The following C2CD3 variants were observed in gnomAD, a reference collection of about 807,000 sequenced individuals.
C2CD3 encodes the protein C2 domain containing 3 centriole elongation regulator.
A neutral mutation model predicts 234.0 loss-of-function variants in C2CD3; 148 were observed. The ratio of observed to expected loss-of-function variants is 0.63; its 90% confidence interval spans 0.55 to 0.72. C2CD3 has a LOEUF of 0.72. Among genes scored for constraint, C2CD3 ranks in the 30% least tolerant of loss-of-function variants. C2CD3 has a pLI of 0.00. For missense variants in C2CD3, 2,577 were observed against 2,811.5 expected (o/e 0.92, Z 1.89); for synonymous variants, 1,000 against 1,035.4 (o/e 0.97, Z 0.66).
rs1266668424 is a variant in C2CD3, at chr11:74,117,129, A to AAT, written c.1520+1097_1520+1098dup. On this transcript the variant is annotated intron_variant, in intron 9 of 32. Coordinates refer to ENST00000334126, the MANE Select transcript of C2CD3 (RefSeq NM_001286577.2). The stretch of plus-strand genomic sequence containing the variant: ...ATATATATATGAATATATATATATG[A>AAT]ATATATATATATGAATATATATATA... Among the ~76,000 whole-genome samples the AAT allele has an allele frequency of 5.1e-4, 3 of 5,856 alleles. 1 individual carries two copies. Among genetic ancestry groups the AAT allele is most frequent in the African/African-American group, 3.9e-3 (3 of 778 alleles). The allele number at this position is 5,856 out of a possible 152,430, so 3.8% of individuals were successfully genotyped here.
chr11:74,015,398 C>T (rs1400248180), intron 32 of C2CD3, among the ~76,000 whole-genome samples: 1 of 152,206 alleles, frequency 6.6e-6, no homozygotes, highest in Non-Finnish European at 1.5e-5. Flanking sequence ...CTCTATGTAG[C>T]ACTTTAAGCT....
rs555323076 is a variant in C2CD3, at chr11:74,078,016, G to T, written c.4603+99C>A. On this transcript the variant is annotated intron_variant, in intron 23 of 32. Coordinates refer to ENST00000334126, the MANE Select transcript of C2CD3 (RefSeq NM_001286577.2). Reference sequence around the variant, plus strand: ...AATACCTATCTCACAGGATTGCTGGGAGGGTCAAGTAAAGTAATGTCTGAC... The same window carrying T: ...AATACCTATCTCACAGGATTGCTGGTAGGGTCAAGTAAAGTAATGTCTGAC... The T allele has an allele frequency of 2.9e-6, 4 of 1,392,280 alleles. No individual in the cohort carries two copies. In the East Asian group the frequency reaches 9.2e-5, roughly 32 times the overall value. 86.2% of individuals were successfully genotyped at this position (1,392,280 alleles called of 1,614,324 possible).
intron 22 of C2CD3, among the ~76,000 whole-genome samples, chr11:74,082,977 A>G (rs1298694441): frequency 6.6e-6 from 1 of 152,234 alleles, no homozygotes; most frequent in Non-Finnish European, 1.5e-5. Context: ...AAGAGCCCGC[A>G]TTGCCAAGAC....
At position 74,139,595 on chromosome 11, in the gene C2CD3, T is replaced by C. The variant is rs76942466; in HGVS notation, c.707+10A>G. 1.0e-5 allele frequency: 16 copies of C among 1,561,744 alleles called. No homozygotes were observed. Among genetic ancestry groups the C allele is most frequent in the Non-Finnish European group, 1.3e-5 (15 of 1,132,454 alleles). ...CTGACAGATTGACTGGTATTAGGTA[T>C]GGTAATTACCTCGGAGTGGTTGATC... is the stretch of plus-strand genomic sequence containing the variant. On this transcript the variant is annotated intron_variant, in intron 4 of 32. Coordinates refer to ENST00000334126, the MANE Select transcript of C2CD3 (RefSeq NM_001286577.2).
chr11:74,017,944 AC>A (rs1189489998), intron 32 of C2CD3, among the ~76,000 whole-genome samples: 1 of 152,030 alleles, frequency 6.6e-6, no homozygotes, highest in Non-Finnish European at 1.5e-5. Context: ...GCCCCCACTT[AC>A]CCCTGCTTCC....
intron 23 of C2CD3, among the ~76,000 whole-genome samples, chr11:74,077,700 C>T (rs1437330273): frequency 6.9e-6 from 1 of 144,788 alleles, no homozygotes; most frequent in African/African-American, 2.5e-5. Flanking sequence ...ATGGGTGCAG[C>T]AAACCACCAT....
chr11:74,160,811 C>T (rs1458103067), intron 3 of C2CD3, among the ~76,000 whole-genome samples: 1 of 152,114 alleles, frequency 6.6e-6, no homozygotes, highest in South Asian at 2.1e-4. Context: ...TGATTTGATC[C>T]TTACACAATG....
In C2CD3 at chr11:74,073,535, C is replaced by T. The variant is rs536854521; in HGVS notation, c.4951+718G>A. On this transcript the variant is annotated intron_variant, in intron 24 of 32. Transcript: ENST00000334126. Reference sequence around the variant, plus strand: ...CTGGGAGGTGGAGGTTGCAGTGAGCCGAAATCGTGCCACTGCACTGCAGCC... The same window carrying T: ...CTGGGAGGTGGAGGTTGCAGTGAGCTGAAATCGTGCCACTGCACTGCAGCC... Among the ~76,000 whole-genome samples, 13 of 148,816 alleles carry T rather than the reference C, an allele frequency of 8.7e-5. No individual in the cohort carries two copies. The East Asian group carries it at 1.4e-3, about 16-fold the overall frequency.
chr11:74,021,445 T>C (rs1952079184), intron 32 of C2CD3, among the ~76,000 whole-genome samples: 1 of 152,100 alleles, frequency 6.6e-6, no homozygotes, highest in Non-Finnish European at 1.5e-5. Flanking sequence ...AGAGTTACAG[T>C]TGTAGAGTTA....
intron 1 of C2CD3, 87 bp downstream of exon 1, chr11:74,170,651 T>C: frequency 6.8e-7 from 1 of 1,479,326 alleles, no homozygotes; most frequent in East Asian, 2.3e-5. Flanking sequence ...TTTTCTTGTT[T>C]ATCCAGCGGG....
intron 3 of C2CD3, among the ~76,000 whole-genome samples, chr11:74,151,028 C>A (rs563063820): frequency 1.3e-5 from 2 of 150,956 alleles, no homozygotes; most frequent in Non-Finnish European, 3.0e-5. Flanking sequence ...TGGCTTCAAG[C>A]GATTCTCCTG....
chr11:74,164,774 T>C (rs1161349596), intron 2 of C2CD3: 5 of 152,164 alleles, frequency 3.3e-5, no homozygotes, highest in African/African-American at 9.7e-5. Flanking sequence ...TAAGGTAAAA[T>C]AGATATGAAG....
rs565933259 is a variant in C2CD3 at position 74,025,696 on chromosome 11, G to A, written c.6921+2591C>T. On this transcript the variant is annotated intron_variant, in intron 32 of 32. Coordinates refer to ENST00000334126, the MANE Select transcript of C2CD3 (RefSeq NM_001286577.2). ...CACAGGGACTTGTATCCACTATACTGTGGGAGTAGGGAGGATACGAGGGCT... is the reference window on the plus strand; with the variant it reads ...CACAGGGACTTGTATCCACTATACTATGGGAGTAGGGAGGATACGAGGGCT... Among the ~76,000 whole-genome samples, 210 of 152,210 alleles carry A rather than the reference G, an allele frequency of 1.4e-3. 1 individual carries two copies. Among genetic ancestry groups the A allele is most frequent in the African/African-American group, 5.0e-3 (206 of 41,512 alleles).
At chr11:74,034,880 A>T (rs914192069) in intron 30 of C2CD3, among the ~76,000 whole-genome samples, 4 of 152,244 alleles carry the variant, frequency 2.6e-5, no homozygotes, top group Admixed American at 2.6e-4. Flanking sequence ...TGATCTGTAC[A>T]GTGTAATCAA....
chr11:74,029,705 A>G (rs2135409526), intron 31 of C2CD3, among the ~76,000 whole-genome samples: 1 of 152,352 alleles, frequency 6.6e-6, no homozygotes, highest in Non-Finnish European at 1.5e-5. Context: ...CCATTGCCTC[A>G]TGTGTGCTTT....
At chr11:74,137,535 G>GTATA (rs58789501) in intron 5 of C2CD3, among the ~76,000 whole-genome samples, 132 of 147,416 alleles carry the variant, frequency 9.0e-4, no homozygotes, top group South Asian at 1.7e-3. Flanking sequence ...ATCTTGGAGT[G>GTATA]TATATATATA....
chr11:74,023,676 A>C (rs1952175959), intron 32 of C2CD3, among the ~76,000 whole-genome samples: 1 of 149,236 alleles, frequency 6.7e-6, no homozygotes. Context: ...TTTCTCTCCC[A>C]CTCCTGTGTC....
At chr11:74,060,665 G>T (rs1954192680) in intron 24 of C2CD3, among the ~76,000 whole-genome samples, 1 of 152,218 alleles carries the variant, frequency 6.6e-6, no homozygotes. Context: ...CAAAGATGGG[G>T]AGAAACCAGA....
chr11:74,013,428 C>G lies in C2CD3; in HGVS notation c.7019G>C (p.Arg2340Thr). ...CTGAGAAGAAAATATCCGTGCAATC[C>G]TGAGAGTTTCTTCCTCAGGCAGGTT... is the stretch of plus-strand genomic sequence containing the variant. Reference protein sequence around the residue: ...PLNLPEEETLRIARIFSSQYS... With the variant: ...PLNLPEEETLTIARIFSSQYS... Residue 2340 changes from arginine (R) to threonine (T), a missense_variant, in exon 33 of 33, where the codon AGG becomes ACG. Transcript: ENST00000334126. 1 of 1,381,330 alleles carries G rather than the reference C, an allele frequency of 7.2e-7. No homozygotes were observed. The highest frequency in any genetic ancestry group is 9.5e-7 in the Non-Finnish European group (1 of 1,054,108). The allele number at this position is 1,381,330 out of a possible 1,614,324, so 85.6% of individuals were successfully genotyped here. A position where few individuals can be genotyped will look rare whatever the true frequency, so the allele number is the denominator to read the frequency against.
Sources: allele counts gnomAD v4.1 joint callset (sites outside exome capture counted in the v4.1 genomes callset), GRCh38; gene constraint gnomAD v4.1.1; transcripts MANE v1.5; gene names NCBI Gene and HGNC (gene_info 2026-07-23, HGNC 2026-07-21).